Variants in CMIP observed in about 807,000 individuals in gnomAD.
CMIP encodes the protein c-Maf inducing protein.
In CMIP, 13 loss-of-function variants were observed where a neutral mutation model predicts 97.3. The observed-to-expected ratio is 0.13, with a 90% CI of 0.09 to 0.21. The LOEUF is 0.21. Ranked by LOEUF, CMIP falls within the 10% of genes least tolerant of loss-of-function variation. The probability of loss-of-function intolerance (pLI) is 1.00; values close to 1 mark genes in which losing one functional copy is unlikely to be tolerated. For synonymous variants in CMIP, 538 were observed against 436.3 expected, an observed-to-expected ratio of 1.23 and a Z score of -2.91; for missense variants, 847 against 1,024.9, an observed-to-expected ratio of 0.83 and a Z score of 2.37.
At chr16:81,449,565 T>G (rs930825638) in intron 1 of CMIP, among the ~76,000 whole-genome samples, 16 of 152,272 alleles carry the variant, frequency 1.1e-4, no homozygotes, top group Non-Finnish European at 2.1e-4. Flanking sequence ...CATGCACGCA[T>G]GTTAATTGCT....
At chr16:81,656,997 T>C (rs1313701065) in intron 4 of CMIP, among the ~76,000 whole-genome samples, 1 of 152,034 alleles carries the variant, frequency 6.6e-6, no homozygotes, top group African/African-American at 2.4e-5. Flanking sequence ...AGGTTTTGCA[T>C]TCTCAGACTA....
intron 14 of CMIP, 104 bp downstream of exon 14, chr16:81,696,771 T>A (rs1389364531): frequency 1.8e-6 from 2 of 1,099,420 alleles, no homozygotes; most frequent in Admixed American, 2.3e-5. Flanking sequence ...AGCCCCGGAG[T>A]TTCCCGGCTA....
At chr16:81,497,726 A>T (rs1427478970) in intron 1 of CMIP, among the ~76,000 whole-genome samples, 1 of 152,248 alleles carries the variant, frequency 6.6e-6, no homozygotes, top group Non-Finnish European at 1.5e-5. Context: ...TTGGTGCTAA[A>T]GGCTCAGTGG....
chr16:81,537,174 A>G (rs1351904497), intron 1 of CMIP, among the ~76,000 whole-genome samples: 2 of 152,166 alleles, frequency 1.3e-5, no homozygotes, highest in Non-Finnish European at 2.9e-5. Context: ...GGCCGTCACA[A>G]TGTTCACGTG....
At chr16:81,688,907 T>A (rs1905736249) in intron 10 of CMIP, among the ~76,000 whole-genome samples, 1 of 152,106 alleles carries the variant, frequency 6.6e-6, no homozygotes, top group Non-Finnish European at 1.5e-5. Flanking sequence ...GAACATGCGG[T>A]GTTCGTTTTC....
intron 1 of CMIP, among the ~76,000 whole-genome samples, chr16:81,500,066 T>G (rs1010027834): frequency 1.3e-5 from 2 of 152,066 alleles, no homozygotes; most frequent in African/African-American, 4.8e-5. Flanking sequence ...TCGGCCTTCT[T>G]CAGCCACTCC....
chr16:81,612,907 T>C (rs1453786944), intron 2 of CMIP, among the ~76,000 whole-genome samples: 1 of 152,194 alleles, frequency 6.6e-6, no homozygotes, highest in Non-Finnish European at 1.5e-5. Context: ...CCATGCCTTA[T>C]GTTCCCACTG....
chr16:81,503,125 C>T (rs760314854), intron 1 of CMIP, among the ~76,000 whole-genome samples: 17 of 152,208 alleles, frequency 1.1e-4, no homozygotes, highest in South Asian at 4.1e-4. Context: ...CCCCGGAGTA[C>T]GGTGACCAGT....
At chr16:81,678,748 T>A (rs964744165) in intron 10 of CMIP, 120 bp downstream of exon 10, 1 of 604,594 alleles carries the variant, frequency 1.7e-6, no homozygotes, top group Non-Finnish European at 2.9e-6. Context: ...TAGAGTGGCT[T>A]GTGTGTGAGT....
chr16:81,468,570 C>T (rs1907343585), intron 1 of CMIP, among the ~76,000 whole-genome samples: 1 of 152,260 alleles, frequency 6.6e-6, no homozygotes, highest in South Asian at 2.1e-4. Flanking sequence ...GGCATCGTGC[C>T]TGAAGCATGC....
chr16:81,515,490 G>A (rs1474795953), intron 1 of CMIP, among the ~76,000 whole-genome samples: 1 of 152,156 alleles, frequency 6.6e-6, no homozygotes, highest in African/African-American at 2.4e-5. Flanking sequence ...ACGCACTATT[G>A]ATTTACTATT....
At chr16:81,709,125 A>G (rs1908474559) in intron 20 of CMIP, among the ~76,000 whole-genome samples, 1 of 152,210 alleles carries the variant, frequency 6.6e-6, no homozygotes, top group South Asian at 2.1e-4. Flanking sequence ...TAGCAGGTGG[A>G]ATCACAGAGT....
intron 1 of CMIP, among the ~76,000 whole-genome samples, chr16:81,569,168 G>T (rs1411258862): frequency 6.6e-6 from 1 of 152,150 alleles, no homozygotes; most frequent in African/African-American, 2.4e-5. Context: ...GACCTCACCT[G>T]GTTCTCTCTC....
intron 1 of CMIP, among the ~76,000 whole-genome samples, chr16:81,601,670 T>G (rs1294476582): frequency 6.6e-6 from 1 of 152,070 alleles, no homozygotes; most frequent in African/African-American, 2.4e-5. Context: ...TAGCTCCATA[T>G]CTGTCCCCGA....
intron 1 of CMIP, among the ~76,000 whole-genome samples, chr16:81,473,891 G>A (rs375183201): frequency 2.7e-5 from 4 of 149,106 alleles, no homozygotes; most frequent in Middle Eastern, 3.5e-3. Flanking sequence ...AAAAAGTTCC[G>A]GATATCCATT....
chr16:81,554,658 G>A (rs1401254381), intron 1 of CMIP, among the ~76,000 whole-genome samples: 2 of 152,122 alleles, frequency 1.3e-5, no homozygotes, highest in Admixed American at 6.5e-5. Flanking sequence ...TTCATTCACC[G>A]CTGTCAGCAG....
intron 1 of CMIP, among the ~76,000 whole-genome samples, chr16:81,466,026 CTCTCT>C (rs1907182801): frequency 6.7e-6 from 1 of 148,232 alleles, no homozygotes; most frequent in Non-Finnish European, 1.5e-5. Context: ...TTCTTTTCTT[CTCTCT>C]TGTTTTCATT....
At chr16:81,470,519 A>T (rs143252864) in intron 1 of CMIP, among the ~76,000 whole-genome samples, 1 of 152,342 alleles carries the variant, frequency 6.6e-6, no homozygotes, top group Non-Finnish European at 1.5e-5. Context: ...ATAAGGCTGG[A>T]TCTGAGCAGG....
intron 6 of CMIP, among the ~76,000 whole-genome samples, chr16:81,662,119 C>G (rs1014767484): frequency 1.1e-4 from 16 of 151,828 alleles, no homozygotes; most frequent in African/African-American, 3.9e-4. Context: ...AATTAAATAA[C>G]CCAGTATCCT....
Sources: gnomAD v4.1 joint callset for allele counts (sites outside exome capture counted in the v4.1 genomes callset) on GRCh38, gnomAD v4.1.1 for gene constraint, MANE v1.5 for transcripts, NCBI Gene and HGNC (gene_info 2026-07-23, HGNC 2026-07-21) for gene names.